CPVL: variants seen among roughly 807,000 people sequenced by gnomAD.
The protein encoded by CPVL is carboxypeptidase vitellogenic like, also known as probable serine carboxypeptidase CPVL.
In CPVL, 51 loss-of-function variants were observed where a neutral mutation model predicts 63.7. The observed-to-expected ratio is 0.80, with a 90% CI of 0.64 to 1.01. CPVL has a LOEUF of 1.01. Ranked by LOEUF, CPVL falls within the 50% of genes least tolerant of loss-of-function variation. The pLI, the probability that CPVL is intolerant of heterozygous loss-of-function variation, is 0.00. For missense variants in CPVL, 530 were observed against 573.1 expected (o/e 0.92, Z 0.77); for synonymous variants, 195 against 206.0 (o/e 0.95, Z 0.46).
chr7:29,139,116 T>C (rs1401313826), intron 1 of CPVL, among the ~76,000 whole-genome samples: 1 of 152,108 alleles, frequency 6.6e-6, no homozygotes, highest in Non-Finnish European at 1.5e-5. Flanking sequence ...AGCCAGACCG[T>C]AGAGGATGGC....
chr7:29,149,348 A>G (rs1002108889), upstream of CPVL, among the ~76,000 whole-genome samples: 2 of 151,622 alleles, frequency 1.3e-5, no homozygotes, highest in Non-Finnish European at 2.9e-5. Context: ...ACCCGCCACC[A>G]CAGCCAGCTA....
intron 12 of CPVL, among the ~76,000 whole-genome samples, chr7:28,998,993 G>T (rs1241880642): frequency 6.6e-6 from 1 of 151,844 alleles, no homozygotes; most frequent in Non-Finnish European, 1.5e-5. Flanking sequence ...ATCATTTGAG[G>T]TCAGGAGTTT....
chr7:29,120,817 T>TC lies in CPVL; in HGVS notation c.169+75dup. On this transcript the variant is annotated intron_variant, in intron 2 of 12. Transcript: ENST00000265394. The stretch of plus-strand genomic sequence containing the variant: ...GCCTAGTGACAGGCGAGACTTCGTC[T>TC]CAAAAAAAAAAAAAAAAAAAAGAGA... The TC allele has an allele frequency of 5.7e-6, 6 of 1,047,186 alleles. No homozygotes were observed. In the South Asian group the frequency reaches 9.0e-5, roughly 16 times the overall value. 64.9% of individuals were successfully genotyped at this position (1,047,186 alleles called of 1,614,324 possible). A position where few individuals can be genotyped will look rare whatever the true frequency, so the allele number is the denominator to read the frequency against.
At chr7:29,010,949 T>A (rs966261574) in intron 12 of CPVL, 14 of 152,320 alleles carry the variant, frequency 9.2e-5, no homozygotes, top group Admixed American at 7.2e-4. Context: ...ATACAGCTGG[T>A]ACATGGTAGA....
intron 3 of CPVL, among the ~76,000 whole-genome samples, chr7:29,099,416 T>C (rs1786831059): frequency 6.6e-6 from 1 of 152,262 alleles, no homozygotes; most frequent in South Asian, 2.1e-4. Context: ...TTTTGTTTTA[T>C]AAGTCAAAGC....
rs572552024 is a variant in CPVL at position 29,040,067 on chromosome 7, C to A, written c.1138-9308G>T. Among the ~76,000 whole-genome samples, 6 of 149,758 alleles carry A rather than the reference C, an allele frequency of 4.0e-5. No individual in the cohort carries two copies. In the South Asian group the frequency reaches 8.5e-4, roughly 21 times the overall value. ...TCTTAGTTTTGAATGTTCTCCTGTT[C>A]ACTAATCCAAAAAAAAAATTCTTTT... On this transcript the variant is annotated intron_variant, in intron 11 of 12. Transcript: ENST00000265394.
chr7:29,148,694 G>A (rs919469809), upstream of CPVL: 1 of 152,208 alleles, frequency 6.6e-6, no homozygotes, highest in African/African-American at 2.4e-5. Flanking sequence ...TTTGTCGTGT[G>A]TCAGGTTCTG....
At chr7:29,086,399 G>A (rs1785206457) in intron 7 of CPVL, 85 bp downstream of exon 7, 1 of 945,790 alleles carries the variant, frequency 1.1e-6, no homozygotes, top group Non-Finnish European at 1.7e-6. Flanking sequence ...TACATATATA[G>A]ATTTTAAATG....
intron 12 of CPVL, among the ~76,000 whole-genome samples, chr7:29,018,378 CTTTT>C (rs70977092): frequency 8.1e-6 from 1 of 124,010 alleles, no homozygotes. Context: ...AATTTTTAAT[CTTTT>C]TTTTTTTTTT....
At chr7:29,068,284 G>A (rs1020280948) in intron 9 of CPVL, among the ~76,000 whole-genome samples, 6 of 151,998 alleles carry the variant, frequency 3.9e-5, no homozygotes, top group Non-Finnish European at 7.4e-5. Flanking sequence ...TAAAGTGCTG[G>A]GATTACAGGT....
At chr7:29,147,092 T>A, upstream of CPVL, 1 of 1,252,072 alleles carries the variant, frequency 8.0e-7, no homozygotes, top group South Asian at 1.5e-5. Flanking sequence ...CTAAGTGAGG[T>A]TAAGTAACCC....
intron 1 of CPVL, among the ~76,000 whole-genome samples, chr7:29,190,267 C>T (rs116209694): frequency 0.012 from 1,862 of 152,304 alleles, 34 homozygotes; most frequent in African/African-American, 0.04. Flanking sequence ...CGGTAGAGTA[C>T]TTGCCATAAA....
At chr7:29,107,382 C>T (rs918421986) in intron 3 of CPVL, among the ~76,000 whole-genome samples, 1 of 152,172 alleles carries the variant, frequency 6.6e-6, no homozygotes, top group Non-Finnish European at 1.5e-5. Flanking sequence ...TTTGGAGTTA[C>T]TGGATATTTT....
chr7:29,037,744 C>T (rs186066008), intron 11 of CPVL, among the ~76,000 whole-genome samples: 7 of 152,210 alleles, frequency 4.6e-5, no homozygotes, highest in African/African-American at 7.2e-5. Flanking sequence ...GCACCAGGCA[C>T]GCCACTGACT....
chr7:29,150,714 T>G (rs1334326181), upstream of CPVL, among the ~76,000 whole-genome samples: 1 of 152,138 alleles, frequency 6.6e-6, no homozygotes, highest in East Asian at 1.9e-4. Context: ...CTCTTGGAAG[T>G]GTCTAGGTCT....
chr7:29,101,841 A>G (rs1366025848), intron 3 of CPVL, among the ~76,000 whole-genome samples: 1 of 152,204 alleles, frequency 6.6e-6, no homozygotes, highest in Non-Finnish European at 1.5e-5. Flanking sequence ...TATGCAATAT[A>G]CATACACACG....
intron 3 of CPVL, 61 bp downstream of exon 3, chr7:29,112,643 T>C: frequency 9.2e-7 from 1 of 1,091,112 alleles, no homozygotes; most frequent in South Asian, 1.3e-5. Flanking sequence ...AGGCTAACAT[T>C]TCTACCCTCA....
rs200549892 is a variant in CPVL, at chr7:29,072,357, C to T, written c.676G>A (p.Val226Met). 1.2e-6 allele frequency: 2 copies of T among 1,614,054 alleles called. No homozygotes were observed. The highest frequency in any genetic ancestry group is 1.7e-5 in the Admixed American group (1 of 60,016). Residue 226 changes from valine to methionine, a missense_variant, in exon 8 of 13, where the codon GTG becomes ATG. Transcript: ENST00000265394. ...LIHSLNPVRE[V>M]KINLNGIAIG... ...GCAATTCCGTTCAGGTTGATCTTCACCTCTCTCACAGGGTTGAGGGAATGG... is the reference window on the plus strand; with the variant it reads ...GCAATTCCGTTCAGGTTGATCTTCATCTCTCTCACAGGGTTGAGGGAATGG...
intron 2 of CPVL, among the ~76,000 whole-genome samples, chr7:29,116,465 A>T (rs1049356109): frequency 5.9e-5 from 9 of 152,250 alleles, no homozygotes; most frequent in African/African-American, 2.2e-4. Context: ...TGTTTAGAAC[A>T]GTTTTAAAAA....
Sources: gnomAD v4.1 joint callset for allele counts (sites outside exome capture counted in the v4.1 genomes callset) on GRCh38, gnomAD v4.1.1 for gene constraint, MANE v1.5 for transcripts, NCBI Gene and HGNC (gene_info 2026-07-23, HGNC 2026-07-21) for gene names.